Variants in IL20RB observed in about 807,000 individuals in gnomAD.
IL20RB encodes the protein interleukin-20 receptor subunit beta.
IL20RB carries 21 observed loss-of-function variants against 33.3 expected under a neutral mutation model. The ratio of observed to expected loss-of-function variants is 0.63; its 90% confidence interval spans 0.45 to 0.91. The LOEUF is 0.91. Ranked by LOEUF, IL20RB falls within the 40% of genes least tolerant of loss-of-function variation. The probability of loss-of-function intolerance (pLI) is 0.00; values close to 1 mark genes in which losing one functional copy is unlikely to be tolerated. For missense variants in IL20RB, 345 were observed against 384.8 expected (o/e 0.90, Z 0.86); for synonymous variants, 147 against 146.8 (o/e 1.00, Z -0.01).
rs1453818069 is a variant in IL20RB, at chr3:136,995,487, G to A, written c.756G>A (p.Leu252=). Residue 252 remains leucine (L), a synonymous_variant, in exon 6 of 7, where the codon CTG becomes CTA. Transcript: ENST00000329582. Reference sequence around the variant, plus strand: ...TGCTGATCCTTGTGGTCGTGCCACTGTTCGTCTGGAAAATGGGCCGGCTGC... The same window carrying A: ...TGCTGATCCTTGTGGTCGTGCCACTATTCGTCTGGAAAATGGGCCGGCTGC... ...GFMLILVVVP[L]FVWKMGRLLQ... is the part of the protein sequence containing the mutation. The A allele has an allele frequency of 1.2e-6, 2 of 1,614,048 alleles. No homozygotes were observed. The highest frequency in any genetic ancestry group is 8.5e-7 in the Non-Finnish European group (1 of 1,180,034).
chr3:136,967,320 T>C (rs1941379287), intron 1 of IL20RB, among the ~76,000 whole-genome samples: 1 of 126,078 alleles, frequency 7.9e-6, no homozygotes, highest in African/African-American at 3.0e-5. Context: ...ATTATTAATG[T>C]GTGGGAGTCT....
At chr3:136,964,016 C>T (rs1335619657) in intron 1 of IL20RB, among the ~76,000 whole-genome samples, 3 of 53,748 alleles carry the variant, frequency 5.6e-5, no homozygotes, top group African/African-American at 8.6e-5. Context: ...CTACAAAGGA[C>T]ATGAACTCAT....
At chr3:137,007,627 T>G (rs751762544) in intron 6 of IL20RB, among the ~76,000 whole-genome samples, 3 of 152,198 alleles carry the variant, frequency 2.0e-5, no homozygotes, top group South Asian at 2.1e-4. Context: ...TGTCTGCCAG[T>G]TGCTAAGACC....
intron 1 of IL20RB, among the ~76,000 whole-genome samples, chr3:136,969,621 G>A (rs1011715206): frequency 1.1e-4 from 16 of 150,682 alleles, no homozygotes; most frequent in Admixed American, 2.0e-4. Context: ...AGATGAACCC[G>A]GTACCTCAGA....
At chr3:136,995,597 C>T in intron 6 of IL20RB, 41 bp downstream of exon 6, 2 of 1,601,344 alleles carry the variant, frequency 1.2e-6, no homozygotes, top group African/African-American at 2.7e-5. Flanking sequence ...ATAACACTGA[C>T]CAGATGTAGT....
At chr3:136,971,192 G>A (rs1193682263) in intron 1 of IL20RB, among the ~76,000 whole-genome samples, 8 of 151,782 alleles carry the variant, frequency 5.3e-5, no homozygotes, top group South Asian at 4.2e-4. Flanking sequence ...GTGCAATGGC[G>A]CCATCTGGGC....
At chr3:136,964,037 G>T (rs1941308213) in intron 1 of IL20RB, among the ~76,000 whole-genome samples, 1 of 56,610 alleles carries the variant, frequency 1.8e-5, no homozygotes, top group Non-Finnish European at 3.2e-5. Flanking sequence ...CATTTTTTAT[G>T]GCTGCATAGT....
intron 1 of IL20RB, among the ~76,000 whole-genome samples, chr3:136,978,408 C>T (rs997798900): frequency 1.3e-5 from 2 of 152,016 alleles, no homozygotes; most frequent in South Asian, 2.1e-4. Flanking sequence ...TCAGCTGATC[C>T]GCCTGCCTCG....
intron 1 of IL20RB, among the ~76,000 whole-genome samples, chr3:136,976,674 G>C (rs969222435): frequency 3.9e-5 from 6 of 152,164 alleles, no homozygotes; most frequent in Non-Finnish European, 8.8e-5. Flanking sequence ...TTCCCAGTTT[G>C]TGCCCCAGTC....
intron 1 of IL20RB, among the ~76,000 whole-genome samples, chr3:136,977,165 G>A (rs1292768509): frequency 6.6e-6 from 1 of 152,204 alleles, no homozygotes; most frequent in Admixed American, 6.5e-5. Context: ...TCTAAGTGGA[G>A]GAGGTAAGCA....
intron 5 of IL20RB, among the ~76,000 whole-genome samples, chr3:136,994,010 CA>C (rs34151860): frequency 9.2e-4 from 130 of 141,662 alleles, no homozygotes; most frequent in Non-Finnish European, 9.4e-4. Flanking sequence ...AAGACTGTCT[CA>C]AAAAAAAAAA....
chr3:136,990,451 G>A (rs1942010590), intron 4 of IL20RB, among the ~76,000 whole-genome samples: 1 of 152,118 alleles, frequency 6.6e-6, no homozygotes, highest in Admixed American at 6.5e-5. Context: ...GCTTATTCCA[G>A]GCTGTGATCC....
At chr3:136,988,001 G>A (rs990222934) in intron 3 of IL20RB, among the ~76,000 whole-genome samples, 1 of 152,218 alleles carries the variant, frequency 6.6e-6, no homozygotes, top group African/African-American at 2.4e-5. Context: ...GAGGGAGCCG[G>A]CTCCAGTCTT....
intron 1 of IL20RB, among the ~76,000 whole-genome samples, chr3:136,958,900 C>T (rs776197355): frequency 5.5e-5 from 8 of 146,590 alleles, no homozygotes; most frequent in Non-Finnish European, 1.2e-4. Context: ...TTGATGGGAG[C>T]CTTGAGTACT....
intron 6 of IL20RB, among the ~76,000 whole-genome samples, chr3:137,006,960 A>G (rs1942361855): frequency 6.6e-6 from 1 of 152,118 alleles, no homozygotes; most frequent in Admixed American, 6.6e-5. Flanking sequence ...TTTGGTGTAG[A>G]TGACCTTTTT....
intron 1 of IL20RB, among the ~76,000 whole-genome samples, chr3:136,966,260 C>G (rs1384899303): frequency 1.7e-5 from 2 of 120,812 alleles, no homozygotes; most frequent in Non-Finnish European, 3.4e-5. Context: ...GGAATAGTTT[C>G]AGAAGGAATG....
At chr3:137,000,239 G>A (rs1023835925) in intron 6 of IL20RB, among the ~76,000 whole-genome samples, 4 of 152,186 alleles carry the variant, frequency 2.6e-5, no homozygotes, top group Admixed American at 6.5e-5. Context: ...AGACTGTTTA[G>A]CCTTAGACAG....
chr3:136,978,166 GTTT>G (rs780316908), intron 1 of IL20RB, among the ~76,000 whole-genome samples: 4 of 130,684 alleles, frequency 3.1e-5, no homozygotes, highest in South Asian at 4.9e-4. Context: ...GTTCTGTCTT[GTTT>G]TTTTTTTTTT....
intron 5 of IL20RB, among the ~76,000 whole-genome samples, chr3:136,993,560 A>C (rs990099966): frequency 6.6e-6 from 1 of 151,992 alleles, no homozygotes; most frequent in Non-Finnish European, 1.5e-5. Flanking sequence ...TCCTAATGCT[A>C]TCCCTCCCCC....
Sources: gnomAD v4.1 joint callset for allele counts (sites outside exome capture counted in the v4.1 genomes callset) on GRCh38, gnomAD v4.1.1 for gene constraint, MANE v1.5 for transcripts, NCBI Gene and HGNC (gene_info 2026-07-23, HGNC 2026-07-21) for gene names.